The following USP32 variants were observed in gnomAD, a reference collection of about 807,000 sequenced individuals.
USP32 encodes ubiquitin carboxyl-terminal hydrolase 32.
USP32 carries 59 observed loss-of-function variants against 204.8 expected under a neutral mutation model. The ratio of observed to expected loss-of-function variants is 0.29; its 90% confidence interval spans 0.23 to 0.36. The LOEUF (loss-of-function observed/expected upper bound fraction) is 0.36. Ranked by LOEUF, USP32 falls within the 10% of genes least tolerant of loss-of-function variation. The pLI is 1.00. For missense variants in USP32, 1,160 were observed against 1,946.4 expected (o/e 0.60, Z 7.60); for synonymous variants, 517 against 678.4 (o/e 0.76, Z 3.70).
At chr17:60,411,706 C>G (rs1211895396) in intron 1 of USP32, among the ~76,000 whole-genome samples, 1 of 151,384 alleles carries the variant, frequency 6.6e-6, no homozygotes, top group African/African-American at 2.4e-5. Context: ...ATGAATTTGC[C>G]TATTTTAGAT....
intron 11 of USP32, chr17:60,249,831 C>A: frequency 1.5e-6 from 1 of 653,770 alleles, no homozygotes. Context: ...CTTCACTCGG[C>A]CATTCCAGAA....
At chr17:60,368,562 G>A (rs1257750759) in intron 1 of USP32, among the ~76,000 whole-genome samples, 2 of 151,906 alleles carry the variant, frequency 1.3e-5, no homozygotes, top group Non-Finnish European at 2.9e-5. Flanking sequence ...TATTTAAACT[G>A]AGGTCCTAGT....
intron 1 of USP32, among the ~76,000 whole-genome samples, chr17:60,373,411 C>T (rs2089480530): frequency 6.7e-6 from 1 of 149,616 alleles, no homozygotes; most frequent in Admixed American, 6.7e-5. Flanking sequence ...CTAATTTTTT[C>T]TTCAATAATA....
intron 9 of USP32, chr17:60,258,005 TAA>T (rs1056135944): frequency 3.8e-5 from 6 of 156,716 alleles, no homozygotes; most frequent in African/African-American, 1.5e-4. Context: ...GGCAGCTTAC[TAA>T]GAGTCTTCCT....
chr17:60,421,616 C>T, intron 1 of USP32: 1 of 979,558 alleles, frequency 1.0e-6, no homozygotes, highest in Non-Finnish European at 1.2e-6. Context: ...CTCTCGTCGC[C>T]GGGACCCCGC....
chr17:60,383,326 G>A (rs750993559), intron 1 of USP32, among the ~76,000 whole-genome samples: 2 of 151,504 alleles, frequency 1.3e-5, no homozygotes, highest in South Asian at 2.1e-4. Flanking sequence ...AGTATAACTC[G>A]ATTCCTGTCT....
chr17:60,418,626 T>C (rs2090081295), intron 1 of USP32, among the ~76,000 whole-genome samples: 2 of 152,104 alleles, frequency 1.3e-5, no homozygotes, highest in South Asian at 4.1e-4. Context: ...TACAAAGGTC[T>C]AATATCCAGC....
intron 2 of USP32, among the ~76,000 whole-genome samples, chr17:60,309,562 A>G (rs1343484473): frequency 6.6e-6 from 1 of 152,170 alleles, no homozygotes; most frequent in Non-Finnish European, 1.5e-5. Flanking sequence ...AGACTGCACT[A>G]CTGCTCTCCA....
intron 5 of USP32, among the ~76,000 whole-genome samples, chr17:60,274,695 GA>G (rs2086801254): frequency 6.6e-6 from 1 of 152,044 alleles, no homozygotes; most frequent in Non-Finnish European, 1.5e-5. Context: ...TCAAAGTACA[GA>G]TTTTTTTTTT....
rs2084158689 is a variant in USP32 at position 60,183,177 on chromosome 17, T to C, written c.4111A>G (p.Ser1371Gly). The C allele has an allele frequency of 6.2e-7, 1 of 1,611,066 alleles. No individual in the cohort carries two copies. The highest frequency in any genetic ancestry group is 8.5e-7 in the Non-Finnish European group (1 of 1,178,136). The change falls in exon 31 of 34, where the codon AGC becomes GGC. Residue 1371 changes from serine to glycine, a missense_variant. Coordinates refer to ENST00000300896, the MANE Select transcript of USP32 (RefSeq NM_032582.4). ...SPSSLSANII[S>G]SPKGSPSSSR... The stretch of plus-strand genomic sequence containing the variant: ...CCCCAGGCCTCACCTTTCGGGCTGC[T>C]GATGATGTTAGCGCTGAGTGAGGAT...
rs889831854 is a variant in USP32, at chr17:60,391,988, C to G, written c.-49G>C. 4.1e-5 allele frequency: 64 copies of G among 1,569,022 alleles called. No individual in the cohort carries two copies. The highest frequency in any genetic ancestry group is 4.8e-5 in the Non-Finnish European group (55 of 1,155,564). On this transcript the variant is annotated 5_prime_UTR_variant, in exon 1 of 34. Coordinates refer to ENST00000300896, the MANE Select transcript of USP32 (RefSeq NM_032582.4). ...GGGTCGGAGCCTGATCTCGCCCCCA[C>G]CCCCCTCCCGCCTTCTCCTCGGCGT...
intron 3 of USP32, among the ~76,000 whole-genome samples, chr17:60,300,638 GACT>G (rs1255671641): frequency 1.3e-5 from 2 of 152,124 alleles, no homozygotes; most frequent in Non-Finnish European, 2.9e-5. Flanking sequence ...GAAACAAATA[GACT>G]ACTATGTCTA....
intron 2 of USP32, among the ~76,000 whole-genome samples, chr17:60,329,798 T>C (rs1386900832): frequency 1.3e-5 from 2 of 152,214 alleles, no homozygotes; most frequent in East Asian, 3.8e-4. Context: ...CACTCTGCCT[T>C]AGGCAACTTC....
Position 60,392,047 on chromosome 17 carries a change from GC to G in USP32, c.-109del. The G allele has an allele frequency of 8.4e-7, 1 of 1,187,548 alleles. No individual in the cohort carries two copies. The highest frequency in any genetic ancestry group is 1.4e-5 in the South Asian group (1 of 69,494). 73.6% of individuals were successfully genotyped at this position (1,187,548 alleles called of 1,614,324 possible). A position where few individuals can be genotyped will look rare whatever the true frequency, so the allele number is the denominator to read the frequency against. On this transcript the variant is annotated 5_prime_UTR_variant, in exon 1 of 34. Transcript: ENST00000300896. ...GACGGTGACGGTGTCGGCGTCCCCC[GC>G]CCCCACCTCCCCCCACACTAACAAG...
intron 1 of USP32, chr17:60,421,684 G>C: frequency 1.2e-6 from 1 of 847,826 alleles, no homozygotes; most frequent in Non-Finnish European, 1.4e-6. Flanking sequence ...CGAGGGTCCC[G>C]GGGCCTCCTG....
chr17:60,290,079 G>C (rs2087233013), intron 4 of USP32, among the ~76,000 whole-genome samples: 1 of 152,284 alleles, frequency 6.6e-6, no homozygotes, highest in African/African-American at 2.4e-5. Flanking sequence ...CTAAATCAGA[G>C]TCAACAGGCC....
chr17:60,294,535 A>G (rs2087375891), intron 4 of USP32, 148 bp downstream of exon 4: 2 of 525,656 alleles, frequency 3.8e-6, no homozygotes, highest in Admixed American at 3.6e-5. Flanking sequence ...GTCATGCAAT[A>G]GCACATAAAT....
intron 1 of USP32, among the ~76,000 whole-genome samples, chr17:60,366,879 A>G (rs1435550260): frequency 6.6e-6 from 1 of 151,838 alleles, no homozygotes; most frequent in Non-Finnish European, 1.5e-5. Flanking sequence ...CTGGAGTGCC[A>G]GGGTGCGATC....
intron 27 of USP32, among the ~76,000 whole-genome samples, chr17:60,195,529 G>A (rs1391596107): frequency 6.6e-6 from 1 of 152,158 alleles, no homozygotes; most frequent in African/African-American, 2.4e-5. Context: ...GTAGAGACGG[G>A]GTTTTGCCAT....
Sources: allele counts gnomAD v4.1 joint callset (sites outside exome capture counted in the v4.1 genomes callset), GRCh38; gene constraint gnomAD v4.1.1; transcripts MANE v1.5; gene names NCBI Gene and HGNC (gene_info 2026-07-23, HGNC 2026-07-21).